The following SLC39A12 variants were observed in gnomAD, a reference collection of about 807,000 sequenced individuals.
SLC39A12 encodes the protein zinc transporter ZIP12.
A neutral mutation model predicts 71.1 loss-of-function variants in SLC39A12; 63 were observed. That is an observed-to-expected ratio of 0.89 (90% CI 0.72 to 1.09). The LOEUF (loss-of-function observed/expected upper bound fraction) is 1.09, where lower values mean the gene tolerates loss of function less well. SLC39A12 is among the 50% of genes least tolerant of loss of function. The pLI, the probability that SLC39A12 is intolerant of heterozygous loss-of-function variation, is 0.00. For missense variants in SLC39A12, 892 were observed against 812.6 expected (o/e 1.10, Z -1.19); for synonymous variants, 351 against 301.3 (o/e 1.16, Z -1.71).
intron 3 of SLC39A12, 83 bp downstream of exon 3, chr10:17,961,945 G>C: frequency 1.5e-6 from 2 of 1,354,336 alleles, no homozygotes; most frequent in Non-Finnish European, 2.0e-6. Flanking sequence ...TTATTTCTAA[G>C]ACATTCAAGG....
chr10:18,041,770 T>A (rs1410794566), intron 12 of SLC39A12, among the ~76,000 whole-genome samples: 1 of 145,408 alleles, frequency 6.9e-6, no homozygotes, highest in African/African-American at 2.5e-5. Context: ...TACATATGTA[T>A]ACATATGTAT....
At chr10:18,001,028 T>C (rs80128183) in intron 11 of SLC39A12, among the ~76,000 whole-genome samples, 496 of 152,274 alleles carry the variant, frequency 3.3e-3, no homozygotes, top group African/African-American at 0.011. Context: ...AACTCCTTTA[T>C]GATGTTTCCC....
Position 17,987,475 on chromosome 10 carries a change from T to A in SLC39A12, c.1097-4T>A, listed in dbSNP as rs1835428149. On this transcript the variant is annotated splice_polypyrimidine_tract_variant and splice_region_variant and intron_variant, in intron 6 of 12. Coordinates refer to ENST00000377369, the MANE Select transcript of SLC39A12 (RefSeq NM_001145195.2). ...GACTGTGTTTACGATCTCCTTTGAC[T>A]TAGAATACGGCTACAGCACGGTGGC... 2 of 1,613,384 alleles carry A rather than the reference T, an allele frequency of 1.2e-6. No homozygotes were observed. Among genetic ancestry groups the A allele is most frequent in the Non-Finnish European group, 1.7e-6 (2 of 1,179,844 alleles).
intron 12 of SLC39A12, among the ~76,000 whole-genome samples, chr10:18,006,859 G>A (rs1836036501): frequency 6.6e-6 from 1 of 152,200 alleles, no homozygotes; most frequent in Non-Finnish European, 1.5e-5. Flanking sequence ...GGAGAAAGAG[G>A]AATGCAGTGT....
intron 12 of SLC39A12, among the ~76,000 whole-genome samples, chr10:18,022,724 A>G (rs896154450): frequency 1.3e-5 from 2 of 152,138 alleles, no homozygotes; most frequent in African/African-American, 4.8e-5. Context: ...TAGAGTTGCC[A>G]GGGTTCTTGT....
intron 12 of SLC39A12, among the ~76,000 whole-genome samples, chr10:18,013,990 A>AT (rs957299160): frequency 1.3e-5 from 2 of 152,024 alleles, no homozygotes; most frequent in African/African-American, 4.8e-5. Flanking sequence ...TAATTTTTCT[A>AT]TTTTTTAAAA....
intron 12 of SLC39A12, among the ~76,000 whole-genome samples, chr10:18,011,156 C>A (rs1836209164): frequency 6.6e-6 from 1 of 152,042 alleles, no homozygotes; most frequent in African/African-American, 2.4e-5. Context: ...GTGGCGCGAT[C>A]TCAACTTACT....
chr10:18,022,039 T>G (rs1589252613), intron 12 of SLC39A12, among the ~76,000 whole-genome samples: 1 of 152,320 alleles, frequency 6.6e-6, no homozygotes, highest in African/African-American at 2.4e-5. Context: ...TCTCTCTAGC[T>G]GCCTTTAATA....
chr10:17,967,362 G>A (rs1471632992), intron 4 of SLC39A12, among the ~76,000 whole-genome samples: 1 of 152,114 alleles, frequency 6.6e-6, no homozygotes, highest in Non-Finnish European at 1.5e-5. Flanking sequence ...GATGATAGTT[G>A]CCTAGATTGA....
chr10:17,960,338 G>A (rs532020214), intron 2 of SLC39A12, among the ~76,000 whole-genome samples: 12 of 152,250 alleles, frequency 7.9e-5, no homozygotes, highest in Admixed American at 5.9e-4. Context: ...ATAGTAAGGC[G>A]AAAGGCAGAG....
At chr10:18,041,572 A>G (rs1837228658) in intron 12 of SLC39A12, among the ~76,000 whole-genome samples, 8 of 127,576 alleles carry the variant, frequency 6.3e-5, no homozygotes, top group Admixed American at 4.3e-4. Flanking sequence ...ACATACACAC[A>G]CACATACATA....
chr10:18,013,563 C>T (rs924676335), intron 12 of SLC39A12, among the ~76,000 whole-genome samples: 1 of 151,942 alleles, frequency 6.6e-6, no homozygotes, highest in African/African-American at 2.4e-5. Flanking sequence ...GTACATATGG[C>T]ATGTCACTAT....
intron 12 of SLC39A12, among the ~76,000 whole-genome samples, chr10:18,035,225 T>A (rs1191003701): frequency 1.4e-5 from 2 of 147,394 alleles, no homozygotes; most frequent in Non-Finnish European, 3.0e-5. Flanking sequence ...TTCTCCTGGA[T>A]AATATCCTGC....
rs1176352939 is a variant in SLC39A12, at chr10:18,036,792, A to ATTT, written c.1948-5912_1948-5911insTTT. 1.4e-3 allele frequency among the ~76,000 whole-genome samples: 119 copies of ATTT among 84,550 alleles called. 3 individuals carry two copies. Among genetic ancestry groups the ATTT allele is most frequent in the South Asian group, 2.9e-3 (6 of 2,058 alleles). The allele number at this position is 84,550 out of a possible 152,430, so 55.5% of individuals were successfully genotyped here. On this transcript the variant is annotated intron_variant, in intron 12 of 12. Transcript: ENST00000377369. Reference sequence around the variant, plus strand: ...TATATATATATATATATATATATATATATTTTTTTTTTTAATGGAATCTCA... The same window carrying ATTT: ...TATATATATATATATATATATATATATTTTATTTTTTTTTTTAATGGAATCTCA...
chr10:17,954,674 C>A (rs1438842060), intron 2 of SLC39A12, among the ~76,000 whole-genome samples: 1 of 152,062 alleles, frequency 6.6e-6, no homozygotes, highest in African/African-American at 2.4e-5. Flanking sequence ...AAAAATAAAA[C>A]CTACTCCACC....
chr10:17,994,715 C>A (rs561241122), intron 9 of SLC39A12, among the ~76,000 whole-genome samples: 2 of 152,252 alleles, frequency 1.3e-5, no homozygotes, highest in Non-Finnish European at 1.5e-5. Flanking sequence ...TCTCAGCTAT[C>A]CTTCTCCAAA....
In SLC39A12 at chr10:17,961,616, A is replaced by T; in HGVS notation, c.297A>T (p.Gly99=). 1 of 1,613,722 alleles carries T rather than the reference A, an allele frequency of 6.2e-7. No homozygotes were observed. Among genetic ancestry groups the T allele is most frequent in the Non-Finnish European group, 8.5e-7 (1 of 1,179,910 alleles). The part of the protein sequence containing the change: ...FEPDALLLIA[G]GNFEDQLREE... The stretch of plus-strand genomic sequence containing the variant: ...CAGATGCACTATTACTAATAGCTGG[A>T]GGAAATTTTGAAGATCAGCTTAGAG... Residue 99 remains glycine, a synonymous_variant, in exon 3 of 13, where the codon GGA becomes GGT. Coordinates refer to ENST00000377369, the MANE Select transcript of SLC39A12 (RefSeq NM_001145195.2).
intron 12 of SLC39A12, among the ~76,000 whole-genome samples, chr10:18,033,435 C>T (rs1289170164): frequency 3.3e-5 from 5 of 151,274 alleles, no homozygotes; most frequent in Non-Finnish European, 5.9e-5. Flanking sequence ...AGTTTATTTG[C>T]GTAGAGGTGT....
chr10:17,965,077 G>A (rs1289452964), intron 3 of SLC39A12, among the ~76,000 whole-genome samples: 1 of 152,046 alleles, frequency 6.6e-6, no homozygotes, highest in Non-Finnish European at 1.5e-5. Context: ...CGTGGTGGCA[G>A]GCACCTGTAA....
Sources: allele counts gnomAD v4.1 joint callset (sites outside exome capture counted in the v4.1 genomes callset), GRCh38; gene constraint gnomAD v4.1.1; transcripts MANE v1.5; gene names NCBI Gene and HGNC (gene_info 2026-07-23, HGNC 2026-07-21).